CLUAP1: variants seen among roughly 807,000 people sequenced by gnomAD.
The protein encoded by CLUAP1 is intraflagellar transport 38.
CLUAP1 carries 50 observed loss-of-function variants against 55.0 expected under a neutral mutation model. That is an observed-to-expected ratio of 0.91 (90% confidence interval 0.72 to 1.15). The LOEUF (loss-of-function observed/expected upper bound fraction) is 1.15. Among genes scored for constraint, CLUAP1 ranks in the 50% most tolerant of loss-of-function variants. The pLI, the probability that CLUAP1 is intolerant of heterozygous loss-of-function variation, is 0.00. For synonymous variants in CLUAP1, 195 were observed against 175.4 expected, an observed-to-expected ratio of 1.11 and a Z score of -0.88; for missense variants, 530 against 507.6, an observed-to-expected ratio of 1.04 and a Z score of -0.42.
chr16:3,505,647 A>G (rs1427376480), intron 2 of CLUAP1, among the ~76,000 whole-genome samples: 1 of 151,870 alleles, frequency 6.6e-6, no homozygotes, highest in African/African-American at 2.4e-5. Flanking sequence ...ATTCCTCAGT[A>G]GGATGCTGGG....
intron 4 of CLUAP1, among the ~76,000 whole-genome samples, chr16:3,511,701 G>GA (rs1413871092): frequency 6.6e-6 from 1 of 152,172 alleles, no homozygotes; most frequent in East Asian, 1.9e-4. Context: ...GCTTCAGTTT[G>GA]AGGTGACATT....
upstream of CLUAP1, chr16:3,496,460 C>A: frequency 1.1e-6 from 1 of 904,400 alleles, no homozygotes; most frequent in African/African-American, 1.7e-5. Flanking sequence ...TGTGGGGACG[C>A]TTAACGGATG....
Position 3,508,374 on chromosome 16 carries a change from C to T in CLUAP1, c.305C>T (p.Ser102Phe), listed in dbSNP as rs947609181. 25 of 1,608,518 alleles carry T rather than the reference C, an allele frequency of 1.6e-5. No homozygotes were observed. Among genetic ancestry groups the T allele is most frequent in the Non-Finnish European group, 2.0e-5 (24 of 1,178,632 alleles). Residue 102 changes from serine to phenylalanine, a missense_variant, in exon 4 of 12, where the codon TCT becomes TTT. Physicochemically the swap from Ser to Phe is radical, Grantham distance 155. Coordinates refer to ENST00000576634, the MANE Select transcript of CLUAP1 (RefSeq NM_015041.3). Reference sequence around the variant, plus strand: ...GTAAAAGAGCTGCTGAAGATCACATCTGTCCTTTATAATGCTATGAAGACC... The same window carrying T: ...GTAAAAGAGCTGCTGAAGATCACATTTGTCCTTTATAATGCTATGAAGACC... ...YAVKELLKITSVLYNAMKTKG... is the reference protein window; with the variant it reads ...YAVKELLKITFVLYNAMKTKG...
upstream of CLUAP1, chr16:3,496,213 G>A (rs879099066): frequency 1.9e-5 from 11 of 580,966 alleles, no homozygotes; most frequent in Admixed American, 1.4e-4. Context: ...GGGAGCTGAC[G>A]TCCGCCACAA....
At chr16:3,510,227 C>G (rs946204195) in intron 4 of CLUAP1, among the ~76,000 whole-genome samples, 3 of 152,136 alleles carry the variant, frequency 2.0e-5, no homozygotes, top group African/African-American at 7.2e-5. Flanking sequence ...CTCCTGACCT[C>G]AGGTGATCTG....
Position 3,536,173 on chromosome 16 carries a change from G to A in CLUAP1, c.1144G>A (p.Asp382Asn). ...CATGGAAGATGATGATGACGAGGAT[G>A]ACGATTTGGAAGACGAGAGCATTTC... ...IDMEDDDDED[D>N]DLEDESISLS... is the part of the protein sequence containing the mutation. The change falls in exon 12 of 12, where the codon GAC (aspartate) becomes AAC (asparagine). Residue 382 changes from aspartate to asparagine, a missense_variant. By Grantham distance (23) the Asp-to-Asn change is conservative. Transcript: ENST00000576634. 6.2e-7 allele frequency: 1 copy of A among 1,614,184 alleles called. No individual in the cohort carries two copies. The highest frequency in any genetic ancestry group is 1.1e-5 in the South Asian group (1 of 91,076).
upstream of CLUAP1, among the ~76,000 whole-genome samples, chr16:3,499,292 C>G (rs1027496481): frequency 6.6e-6 from 1 of 152,216 alleles, no homozygotes; most frequent in East Asian, 1.9e-4. Flanking sequence ...TTTCAGTGAG[C>G]CGAGATTGTG....
intron 11 of CLUAP1, 52 bp from the exon 12 acceptor site, chr16:3,536,070 T>C (rs2038225054): frequency 6.3e-7 from 1 of 1,597,264 alleles, no homozygotes; most frequent in Non-Finnish European, 8.5e-7. Flanking sequence ...TAGGACAAGA[T>C]GTCAGGAATG....
At chr16:3,495,550 C>T in the CLUAP1 span, 2 of 1,499,616 alleles carry the variant, frequency 1.3e-6, no homozygotes, top group Non-Finnish European at 1.8e-6. Flanking sequence ...GGGGAAGACT[C>T]CCAGCCTTCC....
intron 9 of CLUAP1, among the ~76,000 whole-genome samples, chr16:3,529,571 T>TATAATATTATATATTATATA (rs1180185259): frequency 2.0e-5 from 1 of 49,278 alleles, no homozygotes; most frequent in African/African-American, 9.4e-5. Context: ...TTATATATTA[T>TATAATATTATATATTATATA]ATATTATATA....
chr16:3,501,263 G>T (rs909661357), intron 1 of CLUAP1, among the ~76,000 whole-genome samples, 174 bp downstream of exon 1: 1 of 152,262 alleles, frequency 6.6e-6, no homozygotes, highest in Non-Finnish European at 1.5e-5. Context: ...GAGCGTCCCA[G>T]GCCCTTCTTC....
chr16:3,529,605 TA>T (rs2038039405), intron 9 of CLUAP1, among the ~76,000 whole-genome samples: 9 of 42,096 alleles, frequency 2.1e-4, no homozygotes, highest in Non-Finnish European at 3.2e-4. Context: ...TTATATATTA[TA>T]TATTATATAA....
At chr16:3,501,608 C>T (rs2037404061) in intron 1 of CLUAP1, among the ~76,000 whole-genome samples, 1 of 152,050 alleles carries the variant, frequency 6.6e-6, no homozygotes, top group African/African-American at 2.4e-5. Flanking sequence ...CATGGAGAAA[C>T]CCCGTCTCTA....
intron 5 of CLUAP1, among the ~76,000 whole-genome samples, chr16:3,514,489 G>C (rs1311818953): frequency 6.6e-6 from 1 of 152,274 alleles, no homozygotes; most frequent in Admixed American, 6.5e-5. Context: ...TTCCCACCAG[G>C]TGCACCGTGG....
chr16:3,506,833 G>C (rs769708906), intron 3 of CLUAP1, among the ~76,000 whole-genome samples: 2 of 152,092 alleles, frequency 1.3e-5, no homozygotes, highest in Non-Finnish European at 2.9e-5. Flanking sequence ...CCATTCCATT[G>C]CTGGGTTTCT....
chr16:3,496,487 G>A (rs909715437), upstream of CLUAP1: 6 of 723,024 alleles, frequency 8.3e-6, no homozygotes, highest in Middle Eastern at 1.8e-3. Context: ...GGGTTCAGGA[G>A]GTGCCCAAAC....
Position 3,536,505 on chromosome 16 carries a change from A to C in CLUAP1, c.*234A>C, listed in dbSNP as rs1205854145. ...TTTTCCACCTTATTTATCTTCTAAA[A>C]CTTGAGGAATGCATGTGTTCTTAGT... On this transcript the variant is annotated 3_prime_UTR_variant, in exon 12 of 12. Coordinates refer to ENST00000576634, the MANE Select transcript of CLUAP1 (RefSeq NM_015041.3). 1.1e-5 allele frequency: 5 copies of C among 436,962 alleles called. No individual in the cohort carries two copies. In the East Asian group the frequency reaches 1.9e-4, roughly 16 times the overall value. 27.1% of individuals were successfully genotyped at this position (436,962 alleles called of 1,614,324 possible).
intron 7 of CLUAP1, 22 bp from the exon 8 acceptor site, chr16:3,523,136 T>C: frequency 6.3e-7 from 1 of 1,595,452 alleles, no homozygotes; most frequent in East Asian, 2.3e-5. Context: ...CCTTTCCTTT[T>C]TATTTCATTT....
chr16:3,504,580 T>C, intron 1 of CLUAP1, 140 bp from the exon 2 acceptor site: 1 of 590,748 alleles, frequency 1.7e-6, no homozygotes, highest in Non-Finnish European at 3.1e-6. Flanking sequence ...CTTTTTGCTT[T>C]CCCTTGTAGA....
Sources: gnomAD v4.1 joint callset for allele counts (sites outside exome capture counted in the v4.1 genomes callset) on GRCh38, gnomAD v4.1.1 for gene constraint, MANE v1.5 for transcripts, NCBI Gene and HGNC (gene_info 2026-07-23, HGNC 2026-07-21) for gene names.